CASS4: variants seen among roughly 807,000 people sequenced by gnomAD.
CASS4 encodes cas scaffolding protein family member 4.
A neutral mutation model predicts 54.2 loss-of-function variants in CASS4; 22 were observed. The ratio of observed to expected loss-of-function variants is 0.41; its 90% confidence interval spans 0.29 to 0.58. CASS4 has a LOEUF of 0.58. CASS4 is among the 20% of genes least tolerant of loss of function. The pLI, the probability that CASS4 is intolerant of heterozygous loss-of-function variation, is 0.36. For synonymous variants in CASS4, 409 were observed against 391.5 expected, an observed-to-expected ratio of 1.04 and a Z score of -0.53; for missense variants, 854 against 986.7, an observed-to-expected ratio of 0.87 and a Z score of 1.80.
At position 56,412,346 on chromosome 20, in the gene CASS4, T is replaced by C. The variant is rs1978914478; in HGVS notation, c.-113T>C. The C allele has an allele frequency of 2.6e-6, 3 of 1,159,038 alleles. No individual in the cohort carries two copies. Among genetic ancestry groups the C allele is most frequent in the Admixed American group, 4.1e-5 (2 of 48,742 alleles). The allele number at this position is 1,159,038 out of a possible 1,614,324, so 71.8% of individuals were successfully genotyped here. On this transcript the variant is annotated 5_prime_UTR_variant, in exon 1 of 6. An upstream open reading frame in the 5' UTR loses its in-frame stop. Transcript: ENST00000679887. This position sits in a 1 kb window ranked among gnomAD's most constrained non-coding sequence, Gnocchi z 4.2. ...TCCCATGTGTTGTCAGATAGCTCCA[T>C]AGAATTCAGTTTCTGAGAACCAGCC...
At chr20:56,413,003 A>G (rs1978952433) in intron 1 of CASS4, among the ~76,000 whole-genome samples, 1 of 152,130 alleles carries the variant, frequency 6.6e-6, no homozygotes, top group South Asian at 2.1e-4. Flanking sequence ...TTTCAGACAG[A>G]CTTCATGCCT....
At chr20:56,436,484 C>T (rs1980174793) in intron 1 of CASS4, among the ~76,000 whole-genome samples, 1 of 151,234 alleles carries the variant, frequency 6.6e-6, no homozygotes, top group African/African-American at 2.4e-5. Context: ...CCATTTAATT[C>T]TCACAATAAC....
At chr20:56,416,270 G>A (rs529362350) in intron 1 of CASS4, among the ~76,000 whole-genome samples, 37 of 152,178 alleles carry the variant, frequency 2.4e-4, no homozygotes, top group Middle Eastern at 3.4e-3. Context: ...GGCTGGTCTC[G>A]AACTCCTGAC....
At position 56,437,430 on chromosome 20, in the gene CASS4, C is replaced by T; in HGVS notation, c.303C>T (p.Pro101=). Residue 101 remains proline, a synonymous_variant, in exon 2 of 6, where the codon CCC becomes CCT. Coordinates refer to ENST00000679887, the MANE Select transcript of CASS4 (RefSeq NM_020356.4). The surrounding 1 kb of genome is among the most constrained non-coding windows in gnomAD (Gnocchi z 4.7). ...GCTCAGAGGAGACCTATCAGGTGCC[C>T]ACTCTACCCCGCCCTCCCACTCCAG... is the stretch of plus-strand genomic sequence containing the variant. The part of the protein sequence containing the change: ...PASSEETYQV[P]TLPRPPTPGP... 6.2e-7 allele frequency: 1 copy of T among 1,614,020 alleles called. No homozygotes were observed. The highest frequency in any genetic ancestry group is 8.5e-7 in the Non-Finnish European group (1 of 1,179,916).
rs768553305 is a variant in CASS4 at position 56,414,839 on chromosome 20, C to T, written c.36+2345C>T. 3.3e-5 allele frequency among the ~76,000 whole-genome samples: 5 copies of T among 151,972 alleles called. No homozygotes were observed. Among genetic ancestry groups the T allele is most frequent in the African/African-American group, 1.2e-4 (5 of 41,358 alleles). ...GTGCACGTCTGTATTCCCAGCTACT[C>T]GGGAGGCTGAGGCAGGAGAATTGCT... is the stretch of plus-strand genomic sequence containing the variant. On this transcript the variant is annotated intron_variant, in intron 1 of 5. Transcript: ENST00000679887. The surrounding 1 kb of genome is among the most constrained non-coding windows in gnomAD (Gnocchi z 4.1).
At chr20:56,440,001 G>T (rs528361899) in intron 2 of CASS4, among the ~76,000 whole-genome samples, 197 of 152,328 alleles carry the variant, frequency 1.3e-3, no homozygotes, top group Non-Finnish European at 2.6e-3. Context: ...CACCATTCAG[G>T]CCTTCTCCAC....
At chr20:56,457,263 G>A (rs1359704158) in intron 5 of CASS4, among the ~76,000 whole-genome samples, 1 of 152,142 alleles carries the variant, frequency 6.6e-6, no homozygotes, top group Non-Finnish European at 1.5e-5. Context: ...GTAAATGCGA[G>A]CGTGTGAAAT....
At chr20:56,416,946 GA>G (rs1370689565) in intron 1 of CASS4, among the ~76,000 whole-genome samples, 1 of 152,152 alleles carries the variant, frequency 6.6e-6, no homozygotes, top group Non-Finnish European at 1.5e-5. Flanking sequence ...CTCAATTAAA[GA>G]GCAAATCTTT....
chr20:56,441,378 G>A (rs558077509), intron 2 of CASS4, among the ~76,000 whole-genome samples: 4 of 151,392 alleles, frequency 2.6e-5, no homozygotes, highest in Admixed American at 2.6e-4. Context: ...GCCAAGGCGG[G>A]TGGATCACCT....
At chr20:56,447,493 A>T (rs1980771975) in intron 3 of CASS4, among the ~76,000 whole-genome samples, 1 of 152,174 alleles carries the variant, frequency 6.6e-6, no homozygotes, top group African/African-American at 2.4e-5. Context: ...GGTCCTGCTC[A>T]CCTGGTTCTG....
chr20:56,452,835 G>C lies in CASS4; in HGVS notation c.1659G>C (p.Gln553His), dbSNP rs1981102133. ...AAGTTCTTGTGACTGACAGTGTCCA[G>C]AACAGCCCAGATGACCTTGAGAGGT... ...PLEVLVTDSV[Q>H]NSPDDLERFV... Residue 553 changes from glutamine (Q) to histidine (H), a missense_variant, in exon 5 of 6, where the codon CAG (glutamine) becomes CAC (histidine). Coordinates refer to ENST00000679887, the MANE Select transcript of CASS4 (RefSeq NM_020356.4). The C allele has an allele frequency of 6.2e-7, 1 of 1,614,054 alleles. No individual in the cohort carries two copies. Among genetic ancestry groups the C allele is most frequent in the South Asian group, 1.1e-5 (1 of 91,064 alleles).
At chr20:56,428,489 G>A (rs1979747439) in intron 1 of CASS4, among the ~76,000 whole-genome samples, 2 of 152,172 alleles carry the variant, frequency 1.3e-5, no homozygotes, top group Admixed American at 6.5e-5. Flanking sequence ...CCTCAGCTGC[G>A]GGCTGGACTC....
chr20:56,456,846 T>TTTTTG (rs955276770), intron 5 of CASS4, among the ~76,000 whole-genome samples: 30 of 151,990 alleles, frequency 2.0e-4, no homozygotes, highest in Non-Finnish European at 2.5e-4. Context: ...ACCTGGCTAA[T>TTTTTG]TTTTGTTTTG....
chr20:56,429,196 G>A (rs1342424719), intron 1 of CASS4, among the ~76,000 whole-genome samples: 7 of 152,148 alleles, frequency 4.6e-5, no homozygotes, highest in East Asian at 1.9e-4. Flanking sequence ...CCATGCCTGC[G>A]GATGTCTCTT....
At chr20:56,454,981 A>G (rs6024888) in intron 5 of CASS4, among the ~76,000 whole-genome samples, 49,253 of 151,754 alleles carry the variant, frequency 0.32, 10,241 homozygotes, top group African/African-American at 0.59. Context: ...GGGCTCTGCA[A>G]GGTTGTTGTG....
chr20:56,423,894 C>T (rs952293844), intron 1 of CASS4, among the ~76,000 whole-genome samples: 1 of 152,196 alleles, frequency 6.6e-6, no homozygotes, highest in African/African-American at 2.4e-5. Flanking sequence ...AGTTTCAATT[C>T]ACACTTCCAG....
At chr20:56,421,103 T>C (rs577521396) in intron 1 of CASS4, among the ~76,000 whole-genome samples, 33 of 152,350 alleles carry the variant, frequency 2.2e-4, no homozygotes, top group Admixed American at 5.2e-4. Flanking sequence ...CTGTCATGCA[T>C]TAAACAGCTT....
chr20:56,417,951 C>T (rs995327528), intron 1 of CASS4, among the ~76,000 whole-genome samples: 1 of 152,210 alleles, frequency 6.6e-6, no homozygotes, highest in Non-Finnish European at 1.5e-5. Context: ...TTCCCAGCAA[C>T]TTCCTCCCTT....
rs1600753790 is a variant in CASS4 at position 56,430,667 on chromosome 20, G to A, written c.37-6497G>A. On this transcript the variant is annotated intron_variant, in intron 1 of 5. Coordinates refer to ENST00000679887, the MANE Select transcript of CASS4 (RefSeq NM_020356.4). The surrounding 1 kb of genome is among the most constrained non-coding windows in gnomAD (Gnocchi z 4.2). Reference sequence around the variant, plus strand: ...GAGTGCTGGCTGCTGCTATTGCAATGTCCAGTGCTCCCTGCACGCCCAGCC... The same window carrying A: ...GAGTGCTGGCTGCTGCTATTGCAATATCCAGTGCTCCCTGCACGCCCAGCC... Among the ~76,000 whole-genome samples, 1 of 152,276 alleles carries A rather than the reference G, an allele frequency of 6.6e-6. No homozygotes were observed. Among genetic ancestry groups the A allele is most frequent in the Non-Finnish European group, 1.5e-5 (1 of 68,036 alleles).
Sources: allele counts gnomAD v4.1 joint callset (sites outside exome capture counted in the v4.1 genomes callset), GRCh38; gene constraint gnomAD v4.1.1; non-coding constraint Gnocchi (gnomAD v3.1); transcripts MANE v1.5; gene names NCBI Gene and HGNC (gene_info 2026-07-23, HGNC 2026-07-21).